The following DLC1 variants were observed in gnomAD, a reference collection of about 807,000 sequenced individuals.
DLC1 encodes the protein rho GTPase-activating protein 7.
A neutral mutation model predicts 140.3 loss-of-function variants in DLC1; 54 were observed. The observed-to-expected ratio is 0.38, with a 90% confidence interval of 0.31 to 0.48. The LOEUF (loss-of-function observed/expected upper bound fraction) is 0.48, where lower values mean the gene tolerates loss of function less well. Among genes scored for constraint, DLC1 ranks in the 20% least tolerant of loss-of-function variants. The pLI, the probability that DLC1 is intolerant of heterozygous loss-of-function variation, is 0.96. For synonymous variants in DLC1, 986 were observed against 728.1 expected (o/e 1.35, Z -5.70); for missense variants, 2,536 against 1,907.0 (o/e 1.33, Z -6.14).
At chr8:13,296,620 A>C (rs1029971345) in intron 5 of DLC1, among the ~76,000 whole-genome samples, 3 of 152,190 alleles carry the variant, frequency 2.0e-5, no homozygotes, top group Non-Finnish European at 2.9e-5. Flanking sequence ...TCATCTACCA[A>C]ATAAACAGAT....
chr8:13,519,330 G>A (rs146812954), upstream of DLC1, among the ~76,000 whole-genome samples: 155 of 152,158 alleles, frequency 1.0e-3, no homozygotes, highest in African/African-American at 3.7e-3. Flanking sequence ...GGGTTTCACC[G>A]TGTTAGCCAG....
intron 1 of DLC1, among the ~76,000 whole-genome samples, chr8:13,561,106 A>G (rs1804226633): frequency 6.9e-6 from 1 of 145,834 alleles, no homozygotes; most frequent in South Asian, 2.2e-4. Context: ...AATATTGTAT[A>G]TTTAAAGTGT....
At chr8:13,575,052 T>C (rs1294938613) in intron 1 of DLC1, among the ~76,000 whole-genome samples, 2 of 152,184 alleles carry the variant, frequency 1.3e-5, no homozygotes. Flanking sequence ...AATGAAAACA[T>C]AGTTGAATTT....
intron 5 of DLC1, among the ~76,000 whole-genome samples, chr8:13,169,716 G>A (rs1825332441): frequency 6.6e-6 from 1 of 152,168 alleles, no homozygotes; most frequent in Non-Finnish European, 1.5e-5. Flanking sequence ...ATTACGTTCT[G>A]AAAGAGATTA....
At chr8:13,359,753 T>C (rs1835135202) in intron 4 of DLC1, among the ~76,000 whole-genome samples, 1 of 152,140 alleles carries the variant, frequency 6.6e-6, no homozygotes, top group African/African-American at 2.4e-5. Context: ...TAAAATAAAA[T>C]GAATAGGAAC....
At chr8:13,397,329 G>A (rs1346134841) in intron 3 of DLC1, among the ~76,000 whole-genome samples, 1 of 152,096 alleles carries the variant, frequency 6.6e-6, no homozygotes, top group Non-Finnish European at 1.5e-5. Flanking sequence ...TATAGGAAGA[G>A]GAGCCACTGA....
intron 5 of DLC1, among the ~76,000 whole-genome samples, chr8:13,201,746 A>ATTT (rs1827391384): frequency 1.3e-5 from 2 of 152,092 alleles, no homozygotes; most frequent in African/African-American, 4.8e-5. Flanking sequence ...GTTTCTCTAA[A>ATTT]ACGCATCATG....
chr8:13,430,622 T>C (rs974711141), intron 2 of DLC1, among the ~76,000 whole-genome samples: 1 of 152,212 alleles, frequency 6.6e-6, no homozygotes, highest in Non-Finnish European at 1.5e-5. Context: ...CTTGAAAACA[T>C]AGTTTCTCCA....
At chr8:13,256,271 G>C (rs1830223343) in intron 5 of DLC1, among the ~76,000 whole-genome samples, 1 of 152,088 alleles carries the variant, frequency 6.6e-6, no homozygotes, top group Non-Finnish European at 1.5e-5. Flanking sequence ...ACTCAAACAA[G>C]GTTTTACATA....
At position 13,084,472 on chromosome 8, in the gene DLC1, G is replaced by T. The variant is rs1354116201; in HGVS notation, c.*1339C>A. On this transcript the variant is annotated 3_prime_UTR_variant, in exon 18 of 18. Coordinates refer to ENST00000276297, the MANE Select transcript of DLC1 (RefSeq NM_182643.3). The stretch of plus-strand genomic sequence containing the variant: ...TCTTGAGTCAATCCTTACCATTACA[G>T]TAAAACCTGAATAAAGACCACCCTT... The T allele has an allele frequency of 6.6e-6, 1 of 152,456 alleles. No individual in the cohort carries two copies. Among genetic ancestry groups the T allele is most frequent in the African/African-American group, 2.4e-5 (1 of 41,392 alleles). The allele number at this position is 152,456 out of a possible 1,614,324, so 9.4% of individuals were successfully genotyped here.
chr8:13,600,684 C>G (rs1025994339), intron 1 of DLC1, among the ~76,000 whole-genome samples: 8 of 151,670 alleles, frequency 5.3e-5, no homozygotes, highest in Admixed American at 3.9e-4. Context: ...CTTTCAAAAT[C>G]TTGGTATTTG....
chr8:13,305,778 C>T (rs1412441261), intron 4 of DLC1, among the ~76,000 whole-genome samples: 1 of 152,188 alleles, frequency 6.6e-6, no homozygotes, highest in Admixed American at 6.5e-5. Flanking sequence ...ATCAAAGCTG[C>T]AGTGAGCTAT....
chr8:13,087,209 C>A (rs918218679), intron 16 of DLC1, among the ~76,000 whole-genome samples: 1 of 152,176 alleles, frequency 6.6e-6, no homozygotes, highest in African/African-American at 2.4e-5. Context: ...TGAGACCAGC[C>A]TGGACAATAT....
intron 1 of DLC1, among the ~76,000 whole-genome samples, chr8:13,504,516 A>G (rs1348617882): frequency 6.6e-6 from 1 of 151,818 alleles, no homozygotes; most frequent in African/African-American, 2.4e-5. Flanking sequence ...ATTGAAGGGA[A>G]CTCATGAGGA....
At chr8:13,545,715 G>A (rs1305354611) in intron 1 of DLC1, among the ~76,000 whole-genome samples, 1 of 151,924 alleles carries the variant, frequency 6.6e-6, no homozygotes, top group African/African-American at 2.4e-5. Flanking sequence ...ACACCTGGCT[G>A]AACCATTTGT....
chr8:13,442,340 C>G (rs1046887082), intron 2 of DLC1, among the ~76,000 whole-genome samples: 1 of 152,124 alleles, frequency 6.6e-6, no homozygotes, highest in African/African-American at 2.4e-5. Context: ...CAACAAAAGT[C>G]AAAATTGACA....
intron 4 of DLC1, among the ~76,000 whole-genome samples, chr8:13,373,860 T>C (rs955684822): frequency 1.4e-4 from 21 of 152,190 alleles, no homozygotes; most frequent in Non-Finnish European, 2.5e-4. Context: ...GAAAAACTTA[T>C]AAGCTTTGCA....
intron 2 of DLC1, among the ~76,000 whole-genome samples, chr8:13,450,428 C>G (rs1468045612): frequency 8.2e-6 from 1 of 122,488 alleles, no homozygotes; most frequent in Non-Finnish European, 1.6e-5. Flanking sequence ...GCACTCCAGC[C>G]TGGGCAACAG....
intron 2 of DLC1, among the ~76,000 whole-genome samples, chr8:13,457,481 A>G (rs112473920): frequency 4.4e-4 from 67 of 152,098 alleles, no homozygotes; most frequent in African/African-American, 1.3e-3. Context: ...AATCAAGACC[A>G]TCCTGGCCAA....
Sources: gnomAD v4.1 joint callset for allele counts (sites outside exome capture counted in the v4.1 genomes callset) on GRCh38, gnomAD v4.1.1 for gene constraint, MANE v1.5 for transcripts, NCBI Gene and HGNC (gene_info 2026-07-23, HGNC 2026-07-21) for gene names.